ZFAND3: variants seen among roughly 807,000 people sequenced by gnomAD.
The protein encoded by ZFAND3 is AN1-type zinc finger protein 3.
ZFAND3 carries 10 observed loss-of-function variants against 29.6 expected under a neutral mutation model. The ratio of observed to expected loss-of-function variants is 0.34; its 90% CI spans 0.21 to 0.57. ZFAND3 has a LOEUF of 0.57. ZFAND3 is among the 20% of genes least tolerant of loss of function. The pLI is 0.86. For missense variants in ZFAND3, 230 were observed against 304.5 expected (o/e 0.76, Z 1.82); for synonymous variants, 128 against 112.6 (o/e 1.14, Z -0.87).
At chr6:37,960,083 C>T (rs1762166470) in intron 2 of ZFAND3, among the ~76,000 whole-genome samples, 1 of 152,170 alleles carries the variant, frequency 6.6e-6, no homozygotes, top group Non-Finnish European at 1.5e-5. Flanking sequence ...GAAATGTGTT[C>T]TGAAATCTTC....
intron 5 of ZFAND3, among the ~76,000 whole-genome samples, chr6:38,124,363 C>T (rs772371386): frequency 2.0e-5 from 3 of 152,342 alleles, no homozygotes; most frequent in Non-Finnish European, 2.9e-5. Context: ...TGGGACCGGG[C>T]GCCATGGAGC....
chr6:37,930,094 G>A, intron 2 of ZFAND3, 95 bp downstream of exon 2: 1 of 1,230,446 alleles, frequency 8.1e-7, no homozygotes, highest in South Asian at 1.6e-5. Flanking sequence ...GACCCTAAAG[G>A]ATTTATGCAT....
chr6:38,090,201 T>C (rs1322416648), intron 4 of ZFAND3, among the ~76,000 whole-genome samples: 1 of 152,196 alleles, frequency 6.6e-6, no homozygotes, highest in East Asian at 1.9e-4. Context: ...ACTTTTCAAA[T>C]CTTTCTTGTT....
chr6:38,057,890 C>G (rs769744286), intron 2 of ZFAND3, among the ~76,000 whole-genome samples: 2 of 152,184 alleles, frequency 1.3e-5, no homozygotes, highest in Non-Finnish European at 2.9e-5. Context: ...CTACTCCTCT[C>G]TTTGTGAGCA....
At chr6:37,824,753 A>G (rs1049359957) in intron 1 of ZFAND3, among the ~76,000 whole-genome samples, 7 of 152,208 alleles carry the variant, frequency 4.6e-5, no homozygotes, top group Non-Finnish European at 8.8e-5. Flanking sequence ...CAAATATCAT[A>G]TGGGTTCATT....
At chr6:38,123,721 G>C (rs1308588918) in intron 5 of ZFAND3, among the ~76,000 whole-genome samples, 1 of 152,170 alleles carries the variant, frequency 6.6e-6, no homozygotes, top group Non-Finnish European at 1.5e-5. Flanking sequence ...GACCCTTGCG[G>C]TGAGTGTTAC....
In ZFAND3 at chr6:37,869,735, A is replaced by C. The variant is rs1273455516; in HGVS notation, c.71+49719A>C. Among the ~76,000 whole-genome samples the C allele has an allele frequency of 3.3e-5, 5 of 150,446 alleles. No homozygotes were observed. In the South Asian group the frequency reaches 1.0e-3, roughly 32 times the overall value. ...ACTTTGTTGCCCAGGCTGGCCTCGA[A>C]CTCCTGGCCTCTAGTGATTCTCCTG... On this transcript the variant is annotated intron_variant, in intron 1 of 5. Coordinates refer to ENST00000287218, the MANE Select transcript of ZFAND3 (RefSeq NM_021943.3).
At chr6:38,065,921 G>C (rs1049001947) in intron 3 of ZFAND3, among the ~76,000 whole-genome samples, 5 of 152,214 alleles carry the variant, frequency 3.3e-5, no homozygotes, top group African/African-American at 4.8e-5. Context: ...ACTAAGTTAA[G>C]TGCTGAGTAT....
At chr6:37,861,113 C>G (rs1439892948) in intron 1 of ZFAND3, among the ~76,000 whole-genome samples, 1 of 151,922 alleles carries the variant, frequency 6.6e-6, no homozygotes, top group Admixed American at 6.6e-5. Context: ...AAAAATTAGC[C>G]AGGCATGGTG....
intron 1 of ZFAND3, among the ~76,000 whole-genome samples, chr6:37,828,659 T>A (rs1763801659): frequency 6.6e-6 from 1 of 151,590 alleles, no homozygotes. Flanking sequence ...TTCTTTTCTT[T>A]TTTTTTTGAG....
intron 3 of ZFAND3, among the ~76,000 whole-genome samples, chr6:38,066,601 G>C (rs1294332661): frequency 6.6e-6 from 1 of 152,152 alleles, no homozygotes. Flanking sequence ...CATTTTGTTT[G>C]GGGCTTGTGG....
At chr6:38,005,051 G>A (rs1763025575) in intron 2 of ZFAND3, among the ~76,000 whole-genome samples, 1 of 152,184 alleles carries the variant, frequency 6.6e-6, no homozygotes. Flanking sequence ...AACAAGAAGA[G>A]ATAGATCTTC....
rs76802906 is a variant in ZFAND3 at position 37,963,349 on chromosome 6, T to C, written c.112+33350T>C. On this transcript the variant is annotated intron_variant, in intron 2 of 5. Transcript: ENST00000287218. ...AACCTGTGGGATATAGCGAAAGCAG[T>C]ACTAGGAGGGAAGTTCATAGCTATT... 4.1e-3 allele frequency among the ~76,000 whole-genome samples: 621 copies of C among 152,258 alleles called. 2 individuals are homozygous for C. Among genetic ancestry groups the C allele is most frequent in the Non-Finnish European group, 6.5e-3 (445 of 68,014 alleles).
At chr6:38,068,159 A>G (rs1216944800) in intron 3 of ZFAND3, among the ~76,000 whole-genome samples, 3 of 152,244 alleles carry the variant, frequency 2.0e-5, no homozygotes, top group Admixed American at 6.5e-5. Flanking sequence ...ACATAAAACT[A>G]TAGTTTACAA....
chr6:38,114,756 T>C (rs1765384960), intron 4 of ZFAND3, among the ~76,000 whole-genome samples: 2 of 152,100 alleles, frequency 1.3e-5, no homozygotes, highest in Admixed American at 1.3e-4. Flanking sequence ...CTAAAATACA[T>C]CCTATAGGCT....
intron 4 of ZFAND3, among the ~76,000 whole-genome samples, chr6:38,106,139 C>T (rs929330724): frequency 6.6e-6 from 1 of 151,564 alleles, no homozygotes; most frequent in African/African-American, 2.4e-5. Flanking sequence ...TAGCAACTTA[C>T]ATACAAATGA....
intron 5 of ZFAND3, among the ~76,000 whole-genome samples, chr6:38,123,888 G>A (rs1196574739): frequency 1.3e-5 from 2 of 152,130 alleles, no homozygotes; most frequent in Non-Finnish European, 2.9e-5. Flanking sequence ...CAAAGAGTGA[G>A]CAGCAGCAAG....
chr6:37,827,468 T>A (rs1763780808), intron 1 of ZFAND3, among the ~76,000 whole-genome samples: 1 of 152,190 alleles, frequency 6.6e-6, no homozygotes. Flanking sequence ...AGGAAAAATA[T>A]TTGTTTTCAC....
intron 5 of ZFAND3, among the ~76,000 whole-genome samples, chr6:38,119,712 C>T (rs972053704): frequency 7.9e-5 from 12 of 152,232 alleles, no homozygotes; most frequent in Non-Finnish European, 1.3e-4. Context: ...CCAGGGCTGT[C>T]GTCCAAACAC....
Sources: allele counts gnomAD v4.1 joint callset (sites outside exome capture counted in the v4.1 genomes callset), GRCh38; gene constraint gnomAD v4.1.1; transcripts MANE v1.5; gene names NCBI Gene and HGNC (gene_info 2026-07-23, HGNC 2026-07-21).